Variants in MTCL3 observed in about 807,000 individuals in gnomAD.
MTCL3 encodes the protein microtubule cross-linking factor 3.
the MTCL3 span, chr6:127,475,142 C>T: frequency 1.1e-5 from 8 of 710,350 alleles, no homozygotes; most frequent in African/African-American, 1.1e-4. This position sits in a 1 kb window ranked among gnomAD's most constrained non-coding sequence, Gnocchi z 7.3. Flanking sequence ...ACTGGTGGGC[C>T]GAGGCCGGGG....
At chr6:127,508,006 G>C in the MTCL3 span, among the ~76,000 whole-genome samples, 1 of 151,986 alleles carries the variant, frequency 6.6e-6, no homozygotes, top group Non-Finnish European at 1.5e-5. Context: ...TTGGCTCTGA[G>C]AAGATATGAC....
At chr6:127,516,840 A>G in the MTCL3 span, 1 of 711,042 alleles carries the variant, frequency 1.4e-6, no homozygotes, top group African/African-American at 1.8e-5. Context: ...CTTTAGGAAT[A>G]GGATGGAGGG....
the MTCL3 span, among the ~76,000 whole-genome samples, chr6:127,508,838 G>T: frequency 6.6e-6 from 1 of 152,112 alleles, no homozygotes; most frequent in African/African-American, 2.4e-5. Flanking sequence ...TGAAAATAAA[G>T]TTCACTGCTA....
At chr6:127,493,591 A>G in the MTCL3 span, among the ~76,000 whole-genome samples, 1 of 152,194 alleles carries the variant, frequency 6.6e-6, no homozygotes, top group Non-Finnish European at 1.5e-5. Flanking sequence ...TTTGCCAATA[A>G]ATCAGCCAGC....
chr6:127,476,559 T>C, the MTCL3 span: 3 of 1,043,266 alleles, frequency 2.9e-6, no homozygotes, highest in South Asian at 5.2e-5. This position sits in a 1 kb window ranked among gnomAD's most constrained non-coding sequence, Gnocchi z 4.4. Context: ...ATAAATAATT[T>C]TTCTTGCAAT....
chr6:127,516,353 G>C, the MTCL3 span: 1 of 1,597,048 alleles, frequency 6.3e-7, no homozygotes. Flanking sequence ...GGCCCCGTGC[G>C]GCTCCCGGTC....
At chr6:127,516,287 G>A in the MTCL3 span, 3 of 1,531,052 alleles carry the variant, frequency 2.0e-6, no homozygotes, top group East Asian at 7.2e-5. Context: ...GCCCCTTTGG[G>A]CGCCAGGGGC....
the MTCL3 span, among the ~76,000 whole-genome samples, chr6:127,503,766 AT>A: frequency 6.6e-6 from 1 of 151,996 alleles, no homozygotes; most frequent in Non-Finnish European, 1.5e-5. Context: ...GGAGATCTCT[AT>A]TTCTGGAAGT....
the MTCL3 span, among the ~76,000 whole-genome samples, chr6:127,479,915 A>T: frequency 6.6e-6 from 1 of 152,176 alleles, no homozygotes; most frequent in South Asian, 2.1e-4. Context: ...AATTATTGAT[A>T]AAAAAAGGAG....
chr6:127,514,718 G>C, the MTCL3 span: 6 of 846,708 alleles, frequency 7.1e-6, no homozygotes, highest in Non-Finnish European at 1.1e-5. Context: ...TGTCCCTAAG[G>C]CTCCTTGCCA....
chr6:127,508,469 A>AG, the MTCL3 span, among the ~76,000 whole-genome samples: 1 of 152,200 alleles, frequency 6.6e-6, no homozygotes, highest in Non-Finnish European at 1.5e-5. Context: ...TCATTGTAAT[A>AG]GATAAGATCT....
the MTCL3 span, among the ~76,000 whole-genome samples, chr6:127,504,118 G>T: frequency 2.0e-5 from 3 of 152,090 alleles, no homozygotes; most frequent in Non-Finnish European, 4.4e-5. Context: ...AATAATTATT[G>T]TAATATTACA....
At chr6:127,504,764 A>C in the MTCL3 span, among the ~76,000 whole-genome samples, 1 of 152,360 alleles carries the variant, frequency 6.6e-6, no homozygotes, top group African/African-American at 2.4e-5. Context: ...GAAAACATAA[A>C]GACTTGCAAC....
the MTCL3 span, chr6:127,475,659 G>A: frequency 5.0e-6 from 8 of 1,592,908 alleles, no homozygotes; most frequent in Non-Finnish European, 6.8e-6. The surrounding 1 kb of genome is among the most constrained non-coding windows in gnomAD (Gnocchi z 7.3). Context: ...TGAGGCAGCG[G>A]ATGTTGCGCA....
chr6:127,499,609 A>G, the MTCL3 span, among the ~76,000 whole-genome samples: 1 of 152,204 alleles, frequency 6.6e-6, no homozygotes, highest in South Asian at 2.1e-4. Flanking sequence ...TATGTTCTGG[A>G]CATGTTATAA....
the MTCL3 span, chr6:127,476,165 C>G: frequency 6.2e-7 from 1 of 1,614,044 alleles, no homozygotes; most frequent in Non-Finnish European, 8.5e-7. This position sits in a 1 kb window ranked among gnomAD's most constrained non-coding sequence, Gnocchi z 4.4. Flanking sequence ...CCCCTAAGGT[C>G]GTCCAGTTCC....
the MTCL3 span, among the ~76,000 whole-genome samples, chr6:127,483,252 A>G: frequency 6.6e-6 from 1 of 152,260 alleles, no homozygotes; most frequent in Non-Finnish European, 1.5e-5. Flanking sequence ...CAGAAAAACA[A>G]CAGACAAAAT....
chr6:127,474,377 C>T, the MTCL3 span, among the ~76,000 whole-genome samples: 1 of 152,086 alleles, frequency 6.6e-6, no homozygotes, highest in Non-Finnish European at 1.5e-5. Context: ...TCCCCGGGTT[C>T]AAGTGATTCT....
chr6:127,516,577 G>A, the MTCL3 span: 1 of 1,597,710 alleles, frequency 6.3e-7, no homozygotes, highest in Admixed American at 1.7e-5. Context: ...AGCTGCTGCT[G>A]TGGCAGGGGC....
Sources: gnomAD v4.1 joint callset for allele counts (sites outside exome capture counted in the v4.1 genomes callset) on GRCh38, gnomAD v4.1.1 for gene constraint, Gnocchi (gnomAD v3.1) non-coding constraint, MANE v1.5 for transcripts, NCBI Gene and HGNC (gene_info 2026-07-23, HGNC 2026-07-21) for gene names.